CEP112: variants seen among roughly 807,000 people sequenced by gnomAD.
CEP112 encodes the protein centrosomal protein of 112 kDa.
Under a neutral mutation model 153.0 loss-of-function variants are expected in CEP112, and 127 were observed. The observed-to-expected ratio is 0.83, with a 90% CI of 0.72 to 0.96. The LOEUF (loss-of-function observed/expected upper bound fraction) is 0.96. CEP112 is among the 40% of genes least tolerant of loss of function. The pLI is 0.00. For synonymous variants in CEP112, 358 were observed against 374.4 expected (o/e 0.96, Z 0.51); for missense variants, 1,089 against 1,101.2 (o/e 0.99, Z 0.16).
At chr17:66,127,083 A>G (rs1009540212) in intron 6 of CEP112, among the ~76,000 whole-genome samples, 5 of 152,222 alleles carry the variant, frequency 3.3e-5, no homozygotes, top group Non-Finnish European at 7.3e-5. Context: ...TATATTTTAC[A>G]CTGTAAGTGT....
rs185822842 is a variant in CEP112, at chr17:65,801,121, G to A, written c.2395-50397C>T. 3.9e-5 allele frequency among the ~76,000 whole-genome samples: 6 copies of A among 151,994 alleles called. No individual in the cohort carries two copies. In the East Asian group the frequency reaches 7.7e-4, roughly 20 times the overall value. On this transcript the variant is annotated intron_variant, in intron 21 of 26. Transcript: ENST00000535342. ...CACTCTGTCACCCAGGCTGTAGTGC[G>A]CTGGTGCACTCACTGCAACCTCTGC...
intron 23 of CEP112, among the ~76,000 whole-genome samples, chr17:65,701,551 T>G (rs747067547): frequency 1.3e-5 from 2 of 152,186 alleles, no homozygotes; most frequent in Non-Finnish European, 2.9e-5. Context: ...CTGCCTGATA[T>G]GGGCAACAGA....
chr17:66,123,786 C>A (rs2069710126), intron 6 of CEP112, among the ~76,000 whole-genome samples: 1 of 152,062 alleles, frequency 6.6e-6, no homozygotes, highest in Non-Finnish European at 1.5e-5. Context: ...TTTTCTTTTA[C>A]CCCTGGATTA....
At chr17:65,695,918 C>CT (rs1221189308) in intron 23 of CEP112, among the ~76,000 whole-genome samples, 3 of 152,198 alleles carry the variant, frequency 2.0e-5, no homozygotes, top group Non-Finnish European at 4.4e-5. Flanking sequence ...TATTGGTACT[C>CT]TAAGTTCGTA....
intron 21 of CEP112, among the ~76,000 whole-genome samples, chr17:65,833,288 A>G (rs934033250): frequency 6.6e-6 from 1 of 152,172 alleles, no homozygotes; most frequent in Admixed American, 6.5e-5. Context: ...TTTCCCTTGA[A>G]AAACAAAACA....
chr17:65,938,433 G>A (rs59142104), intron 18 of CEP112, among the ~76,000 whole-genome samples: 57,036 of 126,638 alleles, frequency 0.45, 13,245 homozygotes, highest in East Asian at 0.87. Context: ...AAAAAAAAAA[G>A]AAAGAAAAAA....
chr17:65,799,334 G>T (rs898020831), intron 21 of CEP112, among the ~76,000 whole-genome samples: 1 of 152,136 alleles, frequency 6.6e-6, no homozygotes, highest in African/African-American at 2.4e-5. Context: ...GCTGGCACCG[G>T]ATCCTCTACC....
chr17:66,042,898 T>C (rs1328703952), intron 12 of CEP112, among the ~76,000 whole-genome samples: 1 of 152,182 alleles, frequency 6.6e-6, no homozygotes, highest in Non-Finnish European at 1.5e-5. Flanking sequence ...GAATTGGTGC[T>C]ATTTGGAGAT....
chr17:66,095,295 C>T (rs926181796), intron 8 of CEP112, among the ~76,000 whole-genome samples: 6 of 152,026 alleles, frequency 3.9e-5, no homozygotes, highest in Non-Finnish European at 4.4e-5. Flanking sequence ...CACATACACA[C>T]ACACACATAC....
chr17:66,005,962 A>G (rs930480833), intron 16 of CEP112, among the ~76,000 whole-genome samples, 193 bp from the exon 17 acceptor site: 16 of 152,214 alleles, frequency 1.1e-4, no homozygotes, highest in Non-Finnish European at 2.4e-4. Context: ...TCTGTTCAAA[A>G]TGAATTTCTT....
chr17:65,689,114 T>G lies in CEP112; in HGVS notation c.2697+15A>C. The G allele has an allele frequency of 6.4e-7, 1 of 1,570,018 alleles. No homozygotes were observed. The highest frequency in any genetic ancestry group is 1.1e-5 in the South Asian group (1 of 90,118). On this transcript the variant is annotated intron_variant, in intron 24 of 26. Transcript: ENST00000535342. ...GAAAGTAAACAAGAGAGTCAAATAG[T>G]AAAGGAGAGGGTACCTGTTCCTGTG...
At chr17:66,166,394 C>T (rs1426104398) in intron 4 of CEP112, among the ~76,000 whole-genome samples, 1 of 152,062 alleles carries the variant, frequency 6.6e-6, no homozygotes, top group Non-Finnish European at 1.5e-5. Context: ...TTTTTTACAT[C>T]TTTCCCTATC....
chr17:65,951,284 TGAAA>T (rs1178580170), intron 18 of CEP112, among the ~76,000 whole-genome samples: 2 of 152,206 alleles, frequency 1.3e-5, no homozygotes, highest in African/African-American at 4.8e-5. Context: ...CTCAATATTC[TGAAA>T]GAGTTTTCAA....
At chr17:65,960,567 C>A (rs1053372454) in intron 18 of CEP112, among the ~76,000 whole-genome samples, 3 of 152,172 alleles carry the variant, frequency 2.0e-5, no homozygotes, top group African/African-American at 7.2e-5. Flanking sequence ...TTCCATACAA[C>A]CTGGGCACAT....
At chr17:66,144,467 C>A (rs991257705) in intron 4 of CEP112, among the ~76,000 whole-genome samples, 3 of 152,124 alleles carry the variant, frequency 2.0e-5, no homozygotes, top group African/African-American at 7.2e-5. Context: ...CCGAGGCAGG[C>A]AGATCACCTG....
intron 20 of CEP112, among the ~76,000 whole-genome samples, chr17:65,852,865 T>C (rs1326253284): frequency 6.6e-6 from 1 of 152,192 alleles, no homozygotes; most frequent in Non-Finnish European, 1.5e-5. Flanking sequence ...TTTTTTATCA[T>C]TTCTTCTTTT....
chr17:66,039,277 T>C (rs1301299249), intron 12 of CEP112, among the ~76,000 whole-genome samples: 4 of 152,144 alleles, frequency 2.6e-5, no homozygotes, highest in African/African-American at 9.7e-5. Context: ...ACTGGAGATA[T>C]AAATGTTGGA....
chr17:66,140,766 T>A (rs2070658581), intron 4 of CEP112, among the ~76,000 whole-genome samples: 1 of 152,038 alleles, frequency 6.6e-6, no homozygotes, highest in African/African-American at 2.4e-5. Flanking sequence ...CCTCCCCGAG[T>A]GGCTGGGATT....
chr17:65,813,113 C>T (rs2145926205), intron 21 of CEP112, among the ~76,000 whole-genome samples: 1 of 152,308 alleles, frequency 6.6e-6, no homozygotes, highest in Non-Finnish European at 1.5e-5. Context: ...GAAGATTACA[C>T]TTCTTGTCAT....
Sources: gnomAD v4.1 joint callset for allele counts (sites outside exome capture counted in the v4.1 genomes callset) on GRCh38, gnomAD v4.1.1 for gene constraint, MANE v1.5 for transcripts, NCBI Gene and HGNC (gene_info 2026-07-23, HGNC 2026-07-21) for gene names.